GSC: variants seen among roughly 807,000 people sequenced by gnomAD.
GSC encodes the protein goosecoid homeobox.
GSC carries 13 observed loss-of-function variants against 24.5 expected under a neutral mutation model. The observed-to-expected ratio is 0.53, with a 90% CI of 0.35 to 0.84. GSC has a LOEUF of 0.84. Ranked by LOEUF, GSC falls within the 40% of genes least tolerant of loss-of-function variation. The probability of loss-of-function intolerance (pLI) is 0.01; values close to 1 mark genes in which losing one functional copy is unlikely to be tolerated. For missense variants in GSC, 382 were observed against 384.2 expected (o/e 0.99, Z 0.05); for synonymous variants, 199 against 182.1 (o/e 1.09, Z -0.75).
intron 2 of GSC, 95 bp from the exon 3 acceptor site, chr14:94,768,744 C>G (rs1258718994): frequency 1.3e-6 from 2 of 1,526,368 alleles, no homozygotes; most frequent in South Asian, 1.1e-5. Context: ...GCGGGACACC[C>G]CGCGCAGGCC....
chr14:94,769,355 G>A, intron 1 of GSC, 138 bp from the exon 2 acceptor site: 1 of 1,188,576 alleles, frequency 8.4e-7, no homozygotes, highest in Non-Finnish European at 1.2e-6. Flanking sequence ...GGGAATCAGG[G>A]GTGCAGGGAA....
At chr14:94,769,624 C>A in intron 1 of GSC, 37 bp downstream of exon 1, 1 of 1,401,906 alleles carries the variant, frequency 7.1e-7, no homozygotes, top group South Asian at 1.6e-5. Flanking sequence ...CTAAGGACCG[C>A]AGTGGGCGGC....
Position 94,769,057 on chromosome 14 carries a change from G to C in GSC, c.516C>G (p.Leu172=). 6.3e-7 allele frequency: 1 copy of C among 1,595,262 alleles called. No individual in the cohort carries two copies. Among genetic ancestry groups the C allele is most frequent in the Non-Finnish European group, 8.5e-7 (1 of 1,171,678 alleles). Reference sequence around the variant, plus strand: ...CCTGGAAGAGGTTCTCGAGAGCTTCGAGCTGCTCGTCAGTGAAGATGGTGC... The same window carrying C: ...CCTGGAAGAGGTTCTCGAGAGCTTCCAGCTGCTCGTCAGTGAAGATGGTGC... ...RHRTIFTDEQ[L]EALENLFQET... is the part of the protein sequence containing the mutation. Residue 172 remains leucine (L), a synonymous_variant, in exon 2 of 3, where the codon CTC becomes CTG. Coordinates refer to ENST00000238558, the MANE Select transcript of GSC (RefSeq NM_173849.3).
At position 94,769,662 on chromosome 14, in the gene GSC, TG is replaced by T. The variant is rs1566881199; in HGVS notation, c.353del (p.Pro118GlnfsTer22). 1.4e-6 allele frequency: 2 copies of T among 1,435,538 alleles called. No individual in the cohort carries two copies. The highest frequency in any genetic ancestry group is 1.5e-5 in the South Asian group (1 of 68,216). 88.9% of individuals were successfully genotyped at this position (1,435,538 alleles called of 1,614,324 possible). Reference protein sequence around the residue: ...AQQCSCVPTPPGYEGPGSVLV... With the variant: ...AQQCSCVPTPXGYEGPGSVLV... ...AGGCCGGAGCGAGCGCGACCCTACC[TG>T]GGGGCGTCGGGACGCAGGAGCACTG... is the stretch of plus-strand genomic sequence containing the variant. On this transcript the variant is annotated frameshift_variant and splice_region_variant, in exon 1 of 3. Transcript: ENST00000238558. LOFTEE classifies it high-confidence loss of function.
chr14:94,769,630 G>A, intron 1 of GSC, 31 bp downstream of exon 1: 2 of 1,404,118 alleles, frequency 1.4e-6, no homozygotes, highest in South Asian at 1.6e-5. Flanking sequence ...ACCGCAGTGG[G>A]CGGCAGAGGC....
In GSC at chr14:94,769,793, C is replaced by G. The variant is rs761600442; in HGVS notation, c.223G>C (p.Gly75Arg). The change falls in exon 1 of 3, where the codon GGC (glycine) becomes CGC (arginine). Residue 75 changes from glycine (G) to arginine (R), a missense_variant. Physicochemically the swap from Gly to Arg is moderately radical, Grantham distance 125. Coordinates refer to ENST00000238558, the MANE Select transcript of GSC (RefSeq NM_173849.3). ...TAGTTGTTGTAGCCGAGGCGGGAGC[C>G]GCTGACCGCGGCCGGGAGGCCCGCG... is the stretch of plus-strand genomic sequence containing the variant. ...GGAGLPAAVS[G>R]SRLGYNNYFY... 149 of 1,421,770 alleles carry G rather than the reference C, an allele frequency of 1.0e-4. No individual in the cohort carries two copies. The highest frequency in any genetic ancestry group is 1.2e-4 in the Non-Finnish European group (128 of 1,098,464). The allele number at this position is 1,421,770 out of a possible 1,614,324, so 88.1% of individuals were successfully genotyped here. A position where few individuals can be genotyped will look rare whatever the true frequency, so the allele number is the denominator to read the frequency against.
intron 2 of GSC, 108 bp from the exon 3 acceptor site, chr14:94,768,757 C>T: frequency 1.3e-6 from 2 of 1,496,884 alleles, no homozygotes; most frequent in Non-Finnish European, 1.8e-6. Context: ...CGCAGGCCAA[C>T]AAAAGGAGGG....
Position 94,769,993 on chromosome 14 carries a change from A to C in GSC, c.23T>G (p.Ile8Ser). Residue 8 changes from isoleucine to serine, a missense_variant, in exon 1 of 3, where the codon ATC (isoleucine) becomes AGC (serine). Physicochemically the swap from Ile to Ser is moderately radical, Grantham distance 142. Transcript: ENST00000238558. MPASMFS[I>S]DNILAARPRC... ...CGGCCGGGCGGCTAGGATGTTGTCG[A>C]TGCTGAACATGCTGGCGGGCATCCC... 6.4e-7 allele frequency: 1 copy of C among 1,559,328 alleles called. No individual in the cohort carries two copies. The highest frequency in any genetic ancestry group is 8.6e-7 in the Non-Finnish European group (1 of 1,161,576).
chr14:94,768,883 GC>G, intron 2 of GSC, 74 bp downstream of exon 2: 1 of 1,531,916 alleles, frequency 6.5e-7, no homozygotes, highest in Non-Finnish European at 8.8e-7. Context: ...GCCAAGCAGG[GC>G]TGGGCAAACC....
intron 1 of GSC, 56 bp from the exon 2 acceptor site, chr14:94,769,273 A>C: frequency 6.5e-7 from 1 of 1,530,706 alleles, no homozygotes; most frequent in Non-Finnish European, 8.8e-7. Flanking sequence ...GCACGCATGC[A>C]CGCCCGCCAG....
chr14:94,769,572 G>T (rs896290842), intron 1 of GSC, 89 bp downstream of exon 1: 2 of 1,395,514 alleles, frequency 1.4e-6, no homozygotes, highest in African/African-American at 1.5e-5. Context: ...TGCAAGAGGA[G>T]CAAAGTTTGA....
At position 94,769,925 on chromosome 14, in the gene GSC, C is replaced by T. The variant is rs767391192; in HGVS notation, c.91G>A (p.Ala31Thr). 1.3e-6 allele frequency: 2 copies of T among 1,536,096 alleles called. No individual in the cohort carries two copies. ...TGCAGGGCCGGGAAGACGACGGGAGCCGCCGCGCTGTGCGCCACCGGCAAC... is the reference window on the plus strand; with the variant it reads ...TGCAGGGCCGGGAAGACGACGGGAGTCGCCGCGCTGTGCGCCACCGGCAAC... ...SVLPVAHSAA[A>T]PVVFPALHGD... The change falls in exon 1 of 3, where the codon GCT becomes ACT. Residue 31 changes from alanine (A) to threonine (T), a missense_variant. By Grantham distance (58) the Ala-to-Thr change is moderately conservative. Transcript: ENST00000238558.
At chr14:94,769,552 AG>A in intron 1 of GSC, 108 bp downstream of exon 1, 2 of 1,358,218 alleles carry the variant, frequency 1.5e-6, no homozygotes, top group Non-Finnish European at 1.9e-6. Context: ...GCAAAAGCGG[AG>A]GGGGGAGTTG....
At chr14:94,768,868 G>A in intron 2 of GSC, 90 bp downstream of exon 2, 5 of 1,505,032 alleles carry the variant, frequency 3.3e-6, no homozygotes, top group Non-Finnish European at 3.6e-6. Flanking sequence ...TAAAGTGCGG[G>A]GAGAGCCAAG....
chr14:94,768,358 C>T lies in GSC; in HGVS notation c.*133G>A, dbSNP rs1885210937. 2 of 1,227,340 alleles carry T rather than the reference C, an allele frequency of 1.6e-6. No individual in the cohort carries two copies. The highest frequency in any genetic ancestry group is 2.4e-6 in the Non-Finnish European group (2 of 843,346). The allele number at this position is 1,227,340 out of a possible 1,614,324, so 76.0% of individuals were successfully genotyped here. ...AGACGCCGACCCTCCCGGCTCTGTACACTATTTACAGCTCCTCGTTCCTCT... is the reference window on the plus strand; with the variant it reads ...AGACGCCGACCCTCCCGGCTCTGTATACTATTTACAGCTCCTCGTTCCTCT... On this transcript the variant is annotated 3_prime_UTR_variant, in exon 3 of 3. Coordinates refer to ENST00000238558, the MANE Select transcript of GSC (RefSeq NM_173849.3).
chr14:94,770,111 A>C lies in GSC; in HGVS notation c.-96T>G. On this transcript the variant is annotated 5_prime_UTR_variant, in exon 1 of 3. Transcript: ENST00000238558. Reference sequence around the variant, plus strand: ...CCACTCTCCTCCAGCCGCCGACCAAACCGAAAGAGAGCGCCGGCGAGCGCG... The same window carrying C: ...CCACTCTCCTCCAGCCGCCGACCAACCCGAAAGAGAGCGCCGGCGAGCGCG... The C allele has an allele frequency of 1.6e-6, 2 of 1,218,906 alleles. No homozygotes were observed. Among genetic ancestry groups the C allele is most frequent in the Non-Finnish European group, 2.2e-6 (2 of 898,374 alleles). 75.5% of individuals were successfully genotyped at this position (1,218,906 alleles called of 1,614,324 possible).
In GSC at chr14:94,768,626, G is replaced by T; in HGVS notation, c.639C>A (p.Ala213=). 6.2e-7 allele frequency: 1 copy of T among 1,613,856 alleles called. No homozygotes were observed. Among genetic ancestry groups the T allele is most frequent in the South Asian group, 1.1e-5 (1 of 91,084 alleles). ...KVEVWFKNRR[A]KWRRQKRSSS... ...AGGACCGCTTCTGCCGCCTCCATTTGGCGCGGCGGTTCTTAAACCAGACCT... is the reference window on the plus strand; with the variant it reads ...AGGACCGCTTCTGCCGCCTCCATTTTGCGCGGCGGTTCTTAAACCAGACCT... The change falls in exon 3 of 3, where the codon GCC becomes GCA. Residue 213 remains alanine (A), a synonymous_variant. Transcript: ENST00000238558.
intron 1 of GSC, 135 bp from the exon 2 acceptor site, chr14:94,769,352 AG>A: frequency 8.4e-7 from 1 of 1,193,196 alleles, no homozygotes; most frequent in Non-Finnish European, 1.2e-6. Flanking sequence ...CACGGGAATC[AG>A]GGGTGCAGGG....
Position 94,768,260 on chromosome 14 carries a change from TTAACTA to T in GSC, c.*225_*230del. ...ACTTTATTGTACTGTCACCCTTAATTTAACTATAAATACTACGGTGGGGGCTAGTCG... is the reference window on the plus strand; with the variant it reads ...ACTTTATTGTACTGTCACCCTTAATTTAAATACTACGGTGGGGGCTAGTCG... On this transcript the variant is annotated 3_prime_UTR_variant, in exon 3 of 3. Transcript: ENST00000238558. 1 of 575,164 alleles carries T rather than the reference TTAACTA, an allele frequency of 1.7e-6. No homozygotes were observed. The highest frequency in any genetic ancestry group is 3.1e-5 in the East Asian group (1 of 32,226). 35.6% of individuals were successfully genotyped at this position (575,164 alleles called of 1,614,324 possible).
Sources: allele counts gnomAD v4.1 joint callset, GRCh38; gene constraint gnomAD v4.1.1; transcripts MANE v1.5; gene names NCBI Gene and HGNC (gene_info 2026-07-23, HGNC 2026-07-21).